MYO5B: variants seen among roughly 807,000 people sequenced by gnomAD.
MYO5B encodes myosin VB, also known as unconventional myosin-Vb.
A neutral mutation model predicts 229.3 loss-of-function variants in MYO5B; 143 were observed. The observed-to-expected ratio is 0.62, with a 90% CI of 0.54 to 0.72. MYO5B has a LOEUF of 0.72. MYO5B is among the 30% of genes least tolerant of loss of function. The pLI is 0.00. For missense variants in MYO5B, 2,321 were observed against 2,331.0 expected (o/e 1.00, Z 0.09); for synonymous variants, 918 against 885.2 (o/e 1.04, Z -0.66).
At chr18:50,186,994 C>G (rs1457394979) in intron 1 of MYO5B, among the ~76,000 whole-genome samples, 1 of 152,152 alleles carries the variant, frequency 6.6e-6, no homozygotes. Context: ...TTTGCAAGAA[C>G]CCCAGATCCT....
chr18:50,043,834 G>A (rs1020283225), intron 2 of MYO5B, among the ~76,000 whole-genome samples: 1 of 151,538 alleles, frequency 6.6e-6, no homozygotes, highest in Non-Finnish European at 1.5e-5. Flanking sequence ...ATAAGCAGGA[G>A]CTAAGCTATG....
At position 49,824,790 on chromosome 18, in the gene MYO5B, A is replaced by T. The variant is rs2023821482; in HGVS notation, c.*1681T>A. 1 of 152,264 alleles carries T rather than the reference A, an allele frequency of 6.6e-6. No individual in the cohort carries two copies. The highest frequency in any genetic ancestry group is 2.1e-4 in the South Asian group (1 of 4,830). The allele number at this position is 152,264 out of a possible 1,614,324, so 9.4% of individuals were successfully genotyped here. On this transcript the variant is annotated 3_prime_UTR_variant, in exon 40 of 40. Transcript: ENST00000285039. ...GTAACTGTAACTGAAAGAAAAAGGC[A>T]CAGCTCTGCCGATGCCCAAGAGAAG... is the stretch of plus-strand genomic sequence containing the variant.
At chr18:49,950,058 C>A (rs2025416074) in intron 14 of MYO5B, among the ~76,000 whole-genome samples, 1 of 152,216 alleles carries the variant, frequency 6.6e-6, no homozygotes, top group South Asian at 2.1e-4. Context: ...GGTGATACAG[C>A]AACAATCTTT....
chr18:50,099,615 G>A (rs2031616527), intron 1 of MYO5B, among the ~76,000 whole-genome samples: 1 of 152,170 alleles, frequency 6.6e-6, no homozygotes, highest in South Asian at 2.1e-4. Flanking sequence ...CTCTAAGTGA[G>A]ACATTCTCAA....
chr18:49,868,514 T>G (rs1423722246), intron 27 of MYO5B, among the ~76,000 whole-genome samples: 1 of 152,216 alleles, frequency 6.6e-6, no homozygotes, highest in Non-Finnish European at 1.5e-5. Flanking sequence ...CAGCTCTGGC[T>G]GATAGCAGGT....
chr18:49,928,385 T>C (rs1257719242), intron 17 of MYO5B, among the ~76,000 whole-genome samples: 2 of 152,230 alleles, frequency 1.3e-5, no homozygotes, highest in African/African-American at 4.8e-5. Flanking sequence ...GGCTCACGCC[T>C]GTCATCCTAG....
intron 4 of MYO5B, among the ~76,000 whole-genome samples, chr18:50,018,301 TG>T (rs2026237934): frequency 6.6e-6 from 1 of 151,724 alleles, no homozygotes; most frequent in African/African-American, 2.4e-5. Context: ...TTTTTTTTTT[TG>T]CTTGATGATA....
chr18:49,936,170 C>A (rs1428064989), intron 16 of MYO5B, 82 bp downstream of exon 16: 1 of 1,208,844 alleles, frequency 8.3e-7, no homozygotes, highest in South Asian at 1.3e-5. Context: ...GGCCACAGAC[C>A]CCCAGGCAAG....
intron 29 of MYO5B, among the ~76,000 whole-genome samples, chr18:49,860,338 A>T (rs542450823): frequency 6.6e-6 from 1 of 152,190 alleles, no homozygotes; most frequent in East Asian, 1.9e-4. Flanking sequence ...TCTCCCATAT[A>T]CAGCCCTGAA....
At chr18:50,096,385 T>C (rs1025722202) in intron 1 of MYO5B, among the ~76,000 whole-genome samples, 4 of 152,142 alleles carry the variant, frequency 2.6e-5, no homozygotes, top group African/African-American at 9.7e-5. Context: ...TGTTTGCTCT[T>C]TACTTTTTAA....
rs563240779 is a variant in MYO5B at position 50,037,891 on chromosome 18, T to TA, written c.311-898dup. On this transcript the variant is annotated intron_variant, in intron 3 of 39. Transcript: ENST00000285039. ...TGGGCGACAGAGTGAGGCCCTGTCT[T>TA]AAAAAAAAAAGAGAACACTTAAGAC... Among the ~76,000 whole-genome samples, 684 of 148,734 alleles carry TA rather than the reference T, an allele frequency of 4.6e-3. 2 individuals carry two copies. The highest frequency in any genetic ancestry group is 7.2e-3 in the Non-Finnish European group (483 of 66,902).
rs192081958 is a variant in MYO5B, at chr18:49,871,988, T to C, written c.3603+179A>G. Among the ~76,000 whole-genome samples, 4 of 152,288 alleles carry C rather than the reference T, an allele frequency of 2.6e-5. No individual in the cohort carries two copies. The East Asian group carries it at 7.7e-4, about 29-fold the overall frequency. ...TATTTATTATCATTCCTGTAGTAGA[T>C]ACAAATTTTTCTTCATTCCAAAGGT... On this transcript the variant is annotated intron_variant, in intron 27 of 39. Transcript: ENST00000285039.
chr18:49,887,283 G>T (rs543792481), intron 22 of MYO5B, among the ~76,000 whole-genome samples: 1 of 152,186 alleles, frequency 6.6e-6, no homozygotes, highest in South Asian at 2.1e-4. Flanking sequence ...TGGTCAGATG[G>T]CACGTTCCAT....
At chr18:49,978,694 T>TAAACACAC in intron 9 of MYO5B, among the ~76,000 whole-genome samples, 2 of 139,210 alleles carry the variant, frequency 1.4e-5, no homozygotes, top group South Asian at 5.0e-4. Flanking sequence ...CAGCAAGTAA[T>TAAACACAC]ACACACACAC....
intron 39 of MYO5B, among the ~76,000 whole-genome samples, chr18:49,830,039 A>G (rs1208110500): frequency 2.0e-5 from 3 of 152,176 alleles, no homozygotes; most frequent in Non-Finnish European, 4.4e-5. Context: ...TCTATTCAGT[A>G]TAGTTCTAGC....
At chr18:49,982,309 C>T (rs1284975585) in intron 8 of MYO5B, among the ~76,000 whole-genome samples, 2 of 152,210 alleles carry the variant, frequency 1.3e-5, no homozygotes, top group African/African-American at 2.4e-5. Flanking sequence ...CCTCCTGCTT[C>T]AGCCTCCCAA....
In MYO5B at chr18:50,166,554, A is replaced by C. The variant is rs182665150; in HGVS notation, c.27+28213T>G. Among the ~76,000 whole-genome samples the C allele has an allele frequency of 1.4e-3, 220 of 152,356 alleles. 1 individual carries two copies. Among genetic ancestry groups the C allele is most frequent in the Middle Eastern group, 0.014 (4 of 294 alleles). On this transcript the variant is annotated intron_variant, in intron 1 of 39. Coordinates refer to ENST00000285039, the MANE Select transcript of MYO5B (RefSeq NM_001080467.3). ...CAGTTGACCTTAAAGCATTATCTTT[A>C]ATTTACTGGGACTTTTTCATTTTAA...
At chr18:49,909,180 A>G (rs17727982) in intron 18 of MYO5B, among the ~76,000 whole-genome samples, 18,836 of 152,282 alleles carry the variant, frequency 0.12, 1,424 homozygotes, top group East Asian at 0.29. Flanking sequence ...TTCTCGATAC[A>G]AAGTCCCAGG....
At chr18:49,974,293 T>C in intron 10 of MYO5B, 57 bp downstream of exon 10, 1 of 1,611,452 alleles carries the variant, frequency 6.2e-7, no homozygotes, top group Non-Finnish European at 8.5e-7. Context: ...GGCTGTAAAG[T>C]ATGAGCAGGA....
Sources: gnomAD v4.1 joint callset for allele counts (sites outside exome capture counted in the v4.1 genomes callset) on GRCh38, gnomAD v4.1.1 for gene constraint, MANE v1.5 for transcripts, NCBI Gene and HGNC (gene_info 2026-07-23, HGNC 2026-07-21) for gene names.